The following CACHD1 variants were observed in gnomAD, a reference collection of about 807,000 sequenced individuals.
CACHD1 encodes the protein cache domain containing 1, also known as VWFA and cache domain-containing protein 1.
In CACHD1, 71 loss-of-function variants were observed where a neutral mutation model predicts 138.7. The ratio of observed to expected loss-of-function variants is 0.51; its 90% CI spans 0.42 to 0.62. The LOEUF is 0.62. Among genes scored for constraint, CACHD1 ranks in the 20% least tolerant of loss-of-function variants. The probability of loss-of-function intolerance (pLI) is 0.00; values close to 1 mark genes in which losing one functional copy is unlikely to be tolerated. For synonymous variants in CACHD1, 578 were observed against 591.5 expected (o/e 0.98, Z 0.33); for missense variants, 1,389 against 1,625.3 (o/e 0.85, Z 2.50).
chr1:64,641,645 T>C (rs923474246), intron 7 of CACHD1, among the ~76,000 whole-genome samples, 175 bp from the exon 8 acceptor site: 7 of 152,026 alleles, frequency 4.6e-5, no homozygotes, highest in African/African-American at 1.7e-4. Context: ...AAGGGTGGAA[T>C]GGAAGAAAGG....
At chr1:64,517,921 G>A (rs1199904925) in intron 1 of CACHD1, among the ~76,000 whole-genome samples, 1 of 152,170 alleles carries the variant, frequency 6.6e-6, no homozygotes, top group East Asian at 1.9e-4. Context: ...TGTAATGGTT[G>A]TATTCCTTGG....
At chr1:64,601,610 T>C (rs1031566874) in intron 3 of CACHD1, among the ~76,000 whole-genome samples, 1 of 152,236 alleles carries the variant, frequency 6.6e-6, no homozygotes, top group Non-Finnish European at 1.5e-5. Flanking sequence ...CAACATACCA[T>C]GTGAAAACCT....
chr1:64,615,019 C>T (rs1315380168), intron 4 of CACHD1, among the ~76,000 whole-genome samples: 4 of 152,304 alleles, frequency 2.6e-5, no homozygotes, highest in African/African-American at 9.6e-5. Flanking sequence ...CCATCTTCTG[C>T]TCCTTTTCCT....
Position 64,691,462 on chromosome 1 carries a change from T to G in CACHD1, c.3726T>G (p.Ser1242Arg), listed in dbSNP as rs374188751. The change falls in exon 27 of 27, where the codon AGT becomes AGG. Residue 1242 changes from serine (S) to arginine (R), a missense_variant. Coordinates refer to ENST00000651257, the MANE Select transcript of CACHD1 (RefSeq NM_020925.4). ...DTPPQTAALLSHKFHHYRSHH... is the reference protein window; with the variant it reads ...DTPPQTAALLRHKFHHYRSHH... The stretch of plus-strand genomic sequence containing the variant: ...CCCCTCAGACTGCTGCCCTACTAAG[T>G]CACAAGTTCCACCACTACCGGTCAC... The G allele has an allele frequency of 6.2e-7, 1 of 1,613,886 alleles. No homozygotes were observed. Among genetic ancestry groups the G allele is most frequent in the African/African-American group, 1.3e-5 (1 of 74,870 alleles).
At chr1:64,660,882 G>A (rs1023579194) in intron 13 of CACHD1, among the ~76,000 whole-genome samples, 28 of 152,094 alleles carry the variant, frequency 1.8e-4, no homozygotes, top group African/African-American at 6.3e-4. Context: ...TCTGTGGATC[G>A]CATTGCATTT....
At chr1:64,666,435 A>G (rs1649635235) in intron 16 of CACHD1, among the ~76,000 whole-genome samples, 1 of 152,224 alleles carries the variant, frequency 6.6e-6, no homozygotes, top group African/African-American at 2.4e-5. Flanking sequence ...CTTGGCAGCC[A>G]TGATGATGTT....
At chr1:64,574,195 C>CT (rs1327421133) in intron 2 of CACHD1, among the ~76,000 whole-genome samples, 5 of 152,150 alleles carry the variant, frequency 3.3e-5, no homozygotes, top group Non-Finnish European at 7.4e-5. Context: ...AAGAAAAGGT[C>CT]TTTTTGTTTT....
At chr1:64,491,496 C>T (rs1646274527) in intron 1 of CACHD1, among the ~76,000 whole-genome samples, 1 of 152,122 alleles carries the variant, frequency 6.6e-6, no homozygotes, top group Admixed American at 6.6e-5. Context: ...GGAAGTGCCA[C>T]ACTTTTATAC....
At chr1:64,540,814 G>T (rs1452601413) in intron 1 of CACHD1, among the ~76,000 whole-genome samples, 2 of 152,290 alleles carry the variant, frequency 1.3e-5, no homozygotes, top group African/African-American at 2.4e-5. Context: ...AAAATAGGCA[G>T]CCCTTTGTAA....
At chr1:64,681,164 C>A in intron 24 of CACHD1, 94 bp from the exon 25 acceptor site, 2 of 851,948 alleles carry the variant, frequency 2.3e-6, no homozygotes, top group South Asian at 1.6e-5. Context: ...GGAATGCTGT[C>A]ACCCAGCCAT....
At chr1:64,471,377 T>A (rs2100248173) in intron 1 of CACHD1, among the ~76,000 whole-genome samples, 1 of 152,306 alleles carries the variant, frequency 6.6e-6, no homozygotes, top group African/African-American at 2.4e-5. Context: ...CGGACGATTT[T>A]CCGAAGTCCC....
intron 1 of CACHD1, among the ~76,000 whole-genome samples, chr1:64,537,325 A>G (rs886792241): frequency 6.6e-6 from 1 of 152,290 alleles, no homozygotes; most frequent in Non-Finnish European, 1.5e-5. Context: ...CCTCTGCAAC[A>G]TATTTCTTAA....
Position 64,629,442 on chromosome 1 carries a change from A to T in CACHD1, c.605A>T (p.His202Leu). Residue 202 changes from histidine (H) to leucine (L), a missense_variant, in exon 5 of 27, where the codon CAC (histidine) becomes CTC (leucine). By Grantham distance (99) the His-to-Leu change is moderately conservative. Around this residue, in one of 5 missense-constraint regions of CACHD1, gnomAD observed 1,000 missense variants for 1,114.7 expected, o/e 0.90. Transcript: ENST00000651257. ...EEGIFTVFPAHKFRCKGSYEH... is the reference protein window; with the variant it reads ...EEGIFTVFPALKFRCKGSYEH... ...GGAATTTTCACTGTTTTCCCAGCAC[A>T]CAAGTTCCGGTGTAAGGGCAGCTAC... 6.2e-7 allele frequency: 1 copy of T among 1,614,146 alleles called. No homozygotes were observed. The highest frequency in any genetic ancestry group is 8.5e-7 in the Non-Finnish European group (1 of 1,179,980).
chr1:64,597,778 C>G (rs1647168645), intron 3 of CACHD1, among the ~76,000 whole-genome samples: 1 of 151,952 alleles, frequency 6.6e-6, no homozygotes, highest in African/African-American at 2.4e-5. Flanking sequence ...GTATGAAAAT[C>G]TATGATTTTA....
intron 7 of CACHD1, among the ~76,000 whole-genome samples, chr1:64,636,104 A>G (rs1648517596): frequency 2.2e-5 from 2 of 90,028 alleles, no homozygotes; most frequent in African/African-American, 5.8e-5. Flanking sequence ...AGCGAGACTC[A>G]GTCTCAAAAA....
At chr1:64,631,079 T>G (rs1359124113) in intron 5 of CACHD1, among the ~76,000 whole-genome samples, 6 of 152,206 alleles carry the variant, frequency 3.9e-5, no homozygotes, top group Non-Finnish European at 1.5e-5. Flanking sequence ...TACCAGTCAT[T>G]CTATGAGGAC....
intron 1 of CACHD1, among the ~76,000 whole-genome samples, chr1:64,517,809 C>A (rs1476482569): frequency 1.3e-5 from 2 of 152,158 alleles, no homozygotes; most frequent in Non-Finnish European, 2.9e-5. Context: ...TCTTCTTTCT[C>A]CTATTAGCTT....
intron 3 of CACHD1, among the ~76,000 whole-genome samples, chr1:64,591,793 T>C (rs1283830021): frequency 6.6e-6 from 1 of 152,184 alleles, no homozygotes; most frequent in Non-Finnish European, 1.5e-5. Context: ...GGAGGAATCA[T>C]AGGTGGCCAA....
chr1:64,629,804 TCTATA>T (rs1210047212), intron 5 of CACHD1, among the ~76,000 whole-genome samples: 1 of 152,180 alleles, frequency 6.6e-6, no homozygotes, highest in Non-Finnish European at 1.5e-5. Flanking sequence ...TGGTACCTTA[TCTATA>T]GTGCAGCCCT....
Sources: allele counts gnomAD v4.1 joint callset (sites outside exome capture counted in the v4.1 genomes callset), GRCh38; gene constraint gnomAD v4.1.1; regional missense constraint gnomAD v4.1.1; transcripts MANE v1.5; gene names NCBI Gene and HGNC (gene_info 2026-07-23, HGNC 2026-07-21).